The following GABRA5 variants were observed in gnomAD, a reference collection of about 807,000 sequenced individuals.
The protein encoded by GABRA5 is gamma-aminobutyric acid type A receptor subunit alpha5.
Under a neutral mutation model 47.3 loss-of-function variants are expected in GABRA5, and 18 were observed. The observed-to-expected ratio is 0.38, with a 90% CI of 0.26 to 0.56. The LOEUF is 0.56. GABRA5 is among the 20% of genes least tolerant of loss of function. The pLI is 0.71. For synonymous variants in GABRA5, 237 were observed against 229.3 expected (o/e 1.03, Z -0.30); for missense variants, 365 against 599.3 (o/e 0.61, Z 4.08).
chr15:26,911,371 G>GCACACACACACACA (rs111798012), intron 6 of GABRA5, among the ~76,000 whole-genome samples: 15 of 118,406 alleles, frequency 1.3e-4, no homozygotes, highest in African/African-American at 2.9e-4. Context: ...CTTGCTGCAT[G>GCACACACACACACA]CACACACACA....
At chr15:26,876,393 A>T (rs771684798) in intron 3 of GABRA5, among the ~76,000 whole-genome samples, 1 of 152,182 alleles carries the variant, frequency 6.6e-6, no homozygotes, top group Non-Finnish European at 1.5e-5. Context: ...GCCCTGGGGC[A>T]TGCTTGTGTT....
chr15:26,904,684 T>C (rs1161972586), intron 6 of GABRA5, among the ~76,000 whole-genome samples: 1 of 152,074 alleles, frequency 6.6e-6, no homozygotes, highest in East Asian at 1.9e-4. Context: ...TTTCACCTCC[T>C]GGGTGAGCTG....
intron 6 of GABRA5, among the ~76,000 whole-genome samples, chr15:26,908,173 A>G (rs1317973524): frequency 2.0e-5 from 3 of 152,160 alleles, no homozygotes; most frequent in Non-Finnish European, 2.9e-5. Flanking sequence ...TTGGATCAGT[A>G]TATCTTCATT....
At chr15:26,872,047 A>G (rs777904824) in intron 3 of GABRA5, among the ~76,000 whole-genome samples, 1 of 152,204 alleles carries the variant, frequency 6.6e-6, no homozygotes, top group African/African-American at 2.4e-5. Context: ...CATTCTGGCC[A>G]GCAGGGCATG....
intron 7 of GABRA5, among the ~76,000 whole-genome samples, chr15:26,930,006 C>CTTTTTTTTTTTTTTTTTTTTTTT (rs72082419): frequency 1.8e-5 from 2 of 113,382 alleles, no homozygotes; most frequent in African/African-American, 3.5e-5. Flanking sequence ...TCTTCTTCTT[C>CTTTTTTTTTTTTTTTTTTTTTTT]TTTTTTTTTT....
intron 6 of GABRA5, among the ~76,000 whole-genome samples, chr15:26,909,186 T>G (rs1484632589): frequency 6.6e-6 from 1 of 152,126 alleles, no homozygotes; most frequent in East Asian, 1.9e-4. Context: ...GGGGCCAGAT[T>G]CCTTGGTTCA....
intron 6 of GABRA5, among the ~76,000 whole-genome samples, chr15:26,891,412 T>C (rs140225472): frequency 1.4e-3 from 212 of 152,326 alleles, no homozygotes; most frequent in African/African-American, 5.0e-3. Flanking sequence ...AGCCCATCGA[T>C]AATGTCCAAG....
intron 10 of GABRA5, among the ~76,000 whole-genome samples, chr15:26,946,150 G>A (rs1894506492): frequency 6.6e-6 from 1 of 151,158 alleles, no homozygotes; most frequent in South Asian, 2.1e-4. Flanking sequence ...CCTGCTCCAC[G>A]CTTGGGCTTT....
Position 26,948,588 on chromosome 15 carries a change from A to G in GABRA5, c.*355A>G, listed in dbSNP as rs1894572484. The G allele has an allele frequency of 1.1e-5, 2 of 189,714 alleles. 1 individual carries two copies. The highest frequency in any genetic ancestry group is 2.9e-4 in the South Asian group (2 of 6,988). The allele number at this position is 189,714 out of a possible 1,614,324, so 11.8% of individuals were successfully genotyped here. ...TATACTTCAAATGTCATTTCATACA[A>G]ATTTTCCCAGTGAATAAATATTTTA... On this transcript the variant is annotated 3_prime_UTR_variant, in exon 11 of 11. Coordinates refer to ENST00000335625, the MANE Select transcript of GABRA5 (RefSeq NM_000810.4).
At chr15:26,891,984 CG>C (rs1459626168) in intron 6 of GABRA5, among the ~76,000 whole-genome samples, 1 of 152,208 alleles carries the variant, frequency 6.6e-6, no homozygotes, top group Non-Finnish European at 1.5e-5. Context: ...CCAAGCGCAC[CG>C]GGTGGTGGAA....
intron 6 of GABRA5, among the ~76,000 whole-genome samples, chr15:26,911,732 G>C (rs1893598997): frequency 6.6e-6 from 1 of 152,090 alleles, no homozygotes; most frequent in African/African-American, 2.4e-5. Flanking sequence ...TGGTGGATTG[G>C]AGCTGGATGC....
At chr15:26,898,742 T>C (rs1893257762) in intron 6 of GABRA5, among the ~76,000 whole-genome samples, 1 of 152,062 alleles carries the variant, frequency 6.6e-6, no homozygotes, top group Non-Finnish European at 1.5e-5. Context: ...TTTTTTTTTT[T>C]TTCTAATGTG....
chr15:26,939,615 C>T lies in GABRA5; in HGVS notation c.725-310C>T. On this transcript the variant is annotated intron_variant, in intron 8 of 10. Transcript: ENST00000335625. ...AATCCTGAAATCCTAATTGCAGAAG[C>T]AGGCGAGGGAGTGGGGGGAGAGAGG... The T allele has an allele frequency of 5.0e-6, 3 of 600,818 alleles. No individual in the cohort carries two copies. In the South Asian group the frequency reaches 6.0e-5, roughly 12 times the overall value. The allele number at this position is 600,818 out of a possible 1,614,324, so 37.2% of individuals were successfully genotyped here.
chr15:26,880,114 T>G (rs1222143745), intron 3 of GABRA5, among the ~76,000 whole-genome samples: 1 of 152,232 alleles, frequency 6.6e-6, no homozygotes, highest in African/African-American at 2.4e-5. Context: ...CTAGTTTTGT[T>G]CTGCTCATAT....
At chr15:26,939,673 C>G in intron 8 of GABRA5, 1 of 596,082 alleles carries the variant, frequency 1.7e-6, no homozygotes, top group South Asian at 2.0e-5. Flanking sequence ...GTAAAACACA[C>G]AAATCTGATT....
Position 26,939,828 on chromosome 15 carries a change from C to A in GABRA5, c.725-97C>A, listed in dbSNP as rs189506127. On this transcript the variant is annotated intron_variant, in intron 8 of 10. Coordinates refer to ENST00000335625, the MANE Select transcript of GABRA5 (RefSeq NM_000810.4). ...TCATACAAATGAATGCTTGTCCAAA[C>A]CGACAGGGGAGTGGAAGGGAGGCTC... 654 of 1,240,992 alleles carry A rather than the reference C, an allele frequency of 5.3e-4. 4 individuals are homozygous for A. In the East Asian group the frequency reaches 8.3e-3, roughly 16 times the overall value. The allele number at this position is 1,240,992 out of a possible 1,614,324, so 76.9% of individuals were successfully genotyped here.
chr15:26,945,700 C>T (rs1329339170), intron 10 of GABRA5, among the ~76,000 whole-genome samples: 1 of 152,218 alleles, frequency 6.6e-6, no homozygotes, highest in African/African-American at 2.4e-5. Context: ...CACCTGGCCA[C>T]ACTGCCTGCA....
At chr15:26,916,102 G>A (rs1893711510) in intron 7 of GABRA5, among the ~76,000 whole-genome samples, 1 of 151,874 alleles carries the variant, frequency 6.6e-6, no homozygotes, top group South Asian at 2.1e-4. Flanking sequence ...ATTCTTGCCT[G>A]GGATATCTTT....
intron 6 of GABRA5, among the ~76,000 whole-genome samples, chr15:26,903,202 C>A (rs1893365546): frequency 6.6e-6 from 1 of 152,134 alleles, no homozygotes; most frequent in Non-Finnish European, 1.5e-5. Context: ...TAAGTGAGAA[C>A]ATGTGGTATT....
Sources: allele counts gnomAD v4.1 joint callset (sites outside exome capture counted in the v4.1 genomes callset), GRCh38; gene constraint gnomAD v4.1.1; transcripts MANE v1.5; gene names NCBI Gene and HGNC (gene_info 2026-07-23, HGNC 2026-07-21).